NEFH: variants seen among roughly 807,000 people sequenced by gnomAD.
The protein encoded by NEFH is neurofilament heavy chain.
NEFH carries 58 observed loss-of-function variants against 56.6 expected under a neutral mutation model. The ratio of observed to expected loss-of-function variants is 1.03; its 90% CI spans 0.83 to 1.28. The LOEUF (loss-of-function observed/expected upper bound fraction) is 1.28. Ranked by LOEUF, NEFH falls within the 50% of genes most tolerant of loss-of-function variation. The pLI is 0.00. For synonymous variants in NEFH, 542 were observed against 545.8 expected, an observed-to-expected ratio of 0.99 and a Z score of 0.10; for missense variants, 1,221 against 1,307.6, an observed-to-expected ratio of 0.93 and a Z score of 1.02.
rs2063077835 is a variant in NEFH, at chr22:29,490,885, TCCCAGGCCCCTGCC to T, written c.*192_*205del. On this transcript the variant is annotated 3_prime_UTR_variant, in exon 4 of 4. Coordinates refer to ENST00000310624, the MANE Select transcript of NEFH (RefSeq NM_021076.4). Reference sequence around the variant, plus strand: ...GCAATATGTTAGCAAGAGAGGGCACTCCCAGGCCCCTGCCCCCAGGCCCTCCCCAGGCGATGGAC... The same window carrying T: ...GCAATATGTTAGCAAGAGAGGGCACTCCCAGGCCCTCCCCAGGCGATGGAC... 8.1e-7 allele frequency: 1 copy of T among 1,235,362 alleles called. No individual in the cohort carries two copies. The highest frequency in any genetic ancestry group is 1.1e-6 in the Non-Finnish European group (1 of 879,700). The allele number at this position is 1,235,362 out of a possible 1,614,324, so 76.5% of individuals were successfully genotyped here. A position where few individuals can be genotyped will look rare whatever the true frequency, so the allele number is the denominator to read the frequency against.
chr22:29,483,243 C>G (rs1439431868), intron 1 of NEFH, 132 bp from the exon 2 acceptor site: 9 of 814,742 alleles, frequency 1.1e-5, no homozygotes, highest in Non-Finnish European at 1.6e-5. Context: ...TGCACCACTG[C>G]CCTCCAGCCT....
Position 29,480,835 on chromosome 22 carries a change from G to T in NEFH, c.573G>T (p.Gln191His). The T allele has an allele frequency of 7.2e-7, 1 of 1,392,848 alleles. No individual in the cohort carries two copies. Among genetic ancestry groups the T allele is most frequent in the East Asian group, 2.9e-5 (1 of 34,244 alleles). 86.3% of individuals were successfully genotyped at this position (1,392,848 alleles called of 1,614,324 possible). A position where few individuals can be genotyped will look rare whatever the true frequency, so the allele number is the denominator to read the frequency against. Residue 191 changes from glutamine (Q) to histidine (H), a missense_variant, in exon 1 of 4, where the codon CAG (glutamine) becomes CAT (histidine). Physicochemically the swap from Gln to His is conservative, Grantham distance 24. Around this residue, in one of 4 missense-constraint regions of NEFH, gnomAD observed 640 missense variants for 555.5 expected, o/e 1.15. Coordinates refer to ENST00000310624, the MANE Select transcript of NEFH (RefSeq NM_021076.4). ...AGCGCCTAGACGACGAGGCCCGGCA[G>T]CGAGAGGAGGCCGAGGCGGCGGCCC... ...VRQRLDDEAR[Q>H]REEAEAAARA...
chr22:29,485,920 A>G lies in NEFH; in HGVS notation c.1208+73A>G. On this transcript the variant is annotated intron_variant, in intron 3 of 3. Transcript: ENST00000310624. ...GCGAGACGCTAAGCCTTGGGTTTCA[A>G]GACCCCGTTTAGGCAGCCTACCTGT... The G allele has an allele frequency of 3.8e-6, 6 of 1,574,628 alleles. No homozygotes were observed. The South Asian group carries it at 6.7e-5, about 17-fold the overall frequency.
rs1051285707 is a variant in NEFH, at chr22:29,489,816, G to C, written c.2176G>C (p.Val726Leu). The change falls in exon 4 of 4, where the codon GTG (valine) becomes CTG (leucine). Residue 726 changes from valine (V) to leucine (L), a missense_variant. By Grantham distance (32) the Val-to-Leu change is conservative. Transcript: ENST00000310624. ...GTCCCCTGAGAAGGCCAAGTCCCCA[G>C]TGAAGGAAGAAGCAAAGACCCCCGA... The part of the protein sequence containing the change: ...AKSPEKAKSP[V>L]KEEAKTPEKA... The C allele has an allele frequency of 9.9e-6, 16 of 1,610,608 alleles. No homozygotes were observed. Among genetic ancestry groups the C allele is most frequent in the African/African-American group, 5.4e-5 (4 of 73,862 alleles).
At chr22:29,482,358 C>G (rs1267985840) in intron 1 of NEFH, among the ~76,000 whole-genome samples, 1 of 152,218 alleles carries the variant, frequency 6.6e-6, no homozygotes, top group African/African-American at 2.4e-5. Flanking sequence ...GTGCCACTAT[C>G]TGGGGATTCA....
chr22:29,483,302 A>G, intron 1 of NEFH, 73 bp from the exon 2 acceptor site: 1 of 1,402,354 alleles, frequency 7.1e-7, no homozygotes. Flanking sequence ...GAAAAAGAAC[A>G]AAGAAAAAAA....
intron 1 of NEFH, among the ~76,000 whole-genome samples, chr22:29,481,447 C>T (rs1469653698): frequency 6.6e-6 from 1 of 152,228 alleles, no homozygotes; most frequent in South Asian, 2.1e-4. Context: ...AGATCCCTCC[C>T]CCGTCAAGAA....
rs112681041 is a variant in NEFH, at chr22:29,489,383, C to T, written c.1743C>T (p.Pro581=). The stretch of plus-strand genomic sequence containing the variant: ...AATCTCCAGCTGAGGTCAAGTCCCC[C>T]GAGAAGGCCAAGTCCCCAGCAAAGG... ...EAKSPAEVKS[P]EKAKSPAKEE... The change falls in exon 4 of 4, where the codon CCC becomes CCT. Residue 581 remains proline, a synonymous_variant. Transcript: ENST00000310624. The T allele has an allele frequency of 2.0e-4, 315 of 1,597,394 alleles. 1 individual carries two copies. In the Middle Eastern group the frequency reaches 2.0e-3, roughly 10 times the overall value.
intron 1 of NEFH, among the ~76,000 whole-genome samples, chr22:29,483,055 C>T (rs1039764937): frequency 1.7e-4 from 26 of 151,962 alleles, no homozygotes; most frequent in Non-Finnish European, 3.4e-4. Context: ...CCGAGGTGGG[C>T]GAATCATGAG....
At chr22:29,487,536 G>A (rs950766752) in intron 3 of NEFH, among the ~76,000 whole-genome samples, 1 of 152,046 alleles carries the variant, frequency 6.6e-6, no homozygotes, top group African/African-American at 2.4e-5. Flanking sequence ...GGAGGCTGAC[G>A]TGGGAGGATC....
In NEFH at chr22:29,481,011, C is replaced by A; in HGVS notation, c.749C>A (p.Ala250Asp). Reference protein sequence around the residue: ...ELLGQIQGSGAAQAQMQAETR... With the variant: ...ELLGQIQGSGDAQAQMQAETR... Reference sequence around the variant, plus strand: ...CTCGGCCAGATCCAGGGCTCCGGCGCCGCGCAGGCGCAGATGCAGGCCGAG... The same window carrying A: ...CTCGGCCAGATCCAGGGCTCCGGCGACGCGCAGGCGCAGATGCAGGCCGAG... The change falls in exon 1 of 4, where the codon GCC (alanine) becomes GAC (aspartate). Residue 250 changes from alanine to aspartate, a missense_variant. This residue lies in a region of NEFH where 640 missense variants were observed against 555.5 expected (regional missense o/e 1.15). Coordinates refer to ENST00000310624, the MANE Select transcript of NEFH (RefSeq NM_021076.4). The A allele has an allele frequency of 6.5e-7, 1 of 1,531,594 alleles. No homozygotes were observed. The highest frequency in any genetic ancestry group is 8.7e-7 in the Non-Finnish European group (1 of 1,145,406). 94.9% of individuals were successfully genotyped at this position (1,531,594 alleles called of 1,614,324 possible). A position where few individuals can be genotyped will look rare whatever the true frequency, so the allele number is the denominator to read the frequency against.
rs1475844174 is a variant in NEFH, at chr22:29,480,675, G to A, written c.413G>A (p.Gly138Asp). 1.3e-6 allele frequency: 2 copies of A among 1,545,652 alleles called. No individual in the cohort carries two copies. Among genetic ancestry groups the A allele is most frequent in the East Asian group, 2.4e-5 (1 of 42,132 alleles). ...EAAALRQQQA[G>D]RSAMGELYER... Reference sequence around the variant, plus strand: ...GCGGCGCTGCGGCAGCAGCAGGCGGGCCGCTCCGCTATGGGCGAGCTGTAC... The same window carrying A: ...GCGGCGCTGCGGCAGCAGCAGGCGGACCGCTCCGCTATGGGCGAGCTGTAC... The change falls in exon 1 of 4, where the codon GGC becomes GAC. Residue 138 changes from glycine to aspartate, a missense_variant. By Grantham distance (94) the Gly-to-Asp change is moderately conservative. This residue lies in a region of NEFH where 640 missense variants were observed against 555.5 expected (regional missense o/e 1.15). Transcript: ENST00000310624.
intron 2 of NEFH, among the ~76,000 whole-genome samples, chr22:29,484,707 C>T (rs187262360): frequency 6.6e-6 from 1 of 152,260 alleles, no homozygotes; most frequent in East Asian, 1.9e-4. Flanking sequence ...TGTGTGCCTA[C>T]AGTCCTAGCT....
chr22:29,485,162 G>T (rs1304149291), intron 2 of NEFH, among the ~76,000 whole-genome samples: 1 of 152,102 alleles, frequency 6.6e-6, no homozygotes, highest in Admixed American at 6.6e-5. Context: ...GAGTACAGTG[G>T]TATGATCTTG....
In NEFH at chr22:29,485,770, G is replaced by A; in HGVS notation, c.1131G>A (p.Glu377=). ...CTGAGCTGAGGAACACCAAGTGGGAGATGGCCGCCCAGCTGCGAGAATACC... is the reference window on the plus strand; with the variant it reads ...CTGAGCTGAGGAACACCAAGTGGGAAATGGCCGCCCAGCTGCGAGAATACC... ...LDAELRNTKW[E]MAAQLREYQD... The change falls in exon 3 of 4, where the codon GAG becomes GAA. Residue 377 remains glutamate, a synonymous_variant. Coordinates refer to ENST00000310624, the MANE Select transcript of NEFH (RefSeq NM_021076.4). The A allele has an allele frequency of 6.2e-7, 1 of 1,614,232 alleles. No homozygotes were observed. Among genetic ancestry groups the A allele is most frequent in the Non-Finnish European group, 8.5e-7 (1 of 1,180,036 alleles).
chr22:29,480,351 G>T lies in NEFH; in HGVS notation c.89G>T (p.Arg30Leu). The stretch of plus-strand genomic sequence containing the variant: ...GGCAGCCTCCACTACGCGCTAGCCC[G>T]AAAGGGTGGCGCAGGCGGGACGCGC... ...GGGSLHYALA[R>L]KGGAGGTRSA... is the part of the protein sequence containing the mutation. Residue 30 changes from arginine to leucine, a missense_variant, in exon 1 of 4, where the codon CGA becomes CTA. Arg to Leu is a moderately radical substitution (Grantham distance 102, BLOSUM62 -2). Transcript: ENST00000310624. The T allele has an allele frequency of 6.5e-7, 1 of 1,535,012 alleles. No homozygotes were observed.
At chr22:29,484,472 T>C (rs1300706438) in intron 2 of NEFH, among the ~76,000 whole-genome samples, 1 of 152,020 alleles carries the variant, frequency 6.6e-6, no homozygotes, top group East Asian at 1.9e-4. Flanking sequence ...AAACCCTGTC[T>C]CTACTAAAAA....
rs772385634 is a variant in NEFH at position 29,489,794 on chromosome 22, C to T, written c.2154C>T (p.Ser718=). ...AKSPVKEEAK[S]PEKAKSPVKE... ...CCCCAGTGAAGGAAGAAGCAAAGTC[C>T]CCTGAGAAGGCCAAGTCCCCAGTGA... is the stretch of plus-strand genomic sequence containing the variant. The change falls in exon 4 of 4, where the codon TCC becomes TCT. Residue 718 remains serine (S), a synonymous_variant. Coordinates refer to ENST00000310624, the MANE Select transcript of NEFH (RefSeq NM_021076.4). The T allele has an allele frequency of 9.9e-6, 16 of 1,609,602 alleles. No individual in the cohort carries two copies. Among genetic ancestry groups the T allele is most frequent in the Non-Finnish European group, 1.3e-5 (15 of 1,178,790 alleles).
rs752921721 is a variant in NEFH, at chr22:29,488,920, C to G, written c.1280C>G (p.Pro427Arg). The G allele has an allele frequency of 6.2e-7, 1 of 1,614,124 alleles. No individual in the cohort carries two copies. Among genetic ancestry groups the G allele is most frequent in the South Asian group, 1.1e-5 (1 of 91,078 alleles). Residue 427 changes from proline (P) to arginine (R), a missense_variant, in exon 4 of 4, where the codon CCC becomes CGC. Transcript: ENST00000310624. Reference sequence around the variant, plus strand: ...CCTTTCTCGCTTCCAGAAGGACTCCCCAAAATTCCCTCTGTGTCCACTCAC... The same window carrying G: ...CCTTTCTCGCTTCCAGAAGGACTCCGCAAAATTCCCTCTGTGTCCACTCAC... ...PIPFSLPEGLPKIPSVSTHIK... is the reference protein window; with the variant it reads ...PIPFSLPEGLRKIPSVSTHIK...
Sources: gnomAD v4.1 joint callset for allele counts (sites outside exome capture counted in the v4.1 genomes callset) on GRCh38, gnomAD v4.1.1 for gene constraint, gnomAD v4.1.1 regional missense constraint, MANE v1.5 for transcripts, NCBI Gene and HGNC (gene_info 2026-07-23, HGNC 2026-07-21) for gene names.